COL25A1: variants seen among roughly 807,000 people sequenced by gnomAD.
COL25A1 encodes collagen type XXV alpha 1 chain, also known as collagen alpha-1(XXV) chain.
In COL25A1, 103 loss-of-function variants were observed where a neutral mutation model predicts 128.4. The ratio of observed to expected loss-of-function variants is 0.80; its 90% CI spans 0.68 to 0.94. The LOEUF (loss-of-function observed/expected upper bound fraction) is 0.94. COL25A1 is among the 40% of genes least tolerant of loss of function. COL25A1 has a pLI of 0.00. For missense variants in COL25A1, 745 were observed against 840.0 expected (o/e 0.89, Z 1.40); for synonymous variants, 279 against 277.2 (o/e 1.01, Z -0.06).
intron 3 of COL25A1, among the ~76,000 whole-genome samples, chr4:109,196,173 G>T (rs1578409595): frequency 6.6e-6 from 1 of 152,154 alleles, no homozygotes; most frequent in Non-Finnish European, 1.5e-5. Context: ...CCATTACGGG[G>T]AGACGAGACC....
At chr4:109,209,920 G>T (rs183064033) in intron 3 of COL25A1, among the ~76,000 whole-genome samples, 24 of 151,944 alleles carry the variant, frequency 1.6e-4, no homozygotes, top group Admixed American at 7.9e-4. Context: ...GCGTAATGGT[G>T]GACACCTACA....
At chr4:109,288,038 A>G (rs1192098353) in intron 3 of COL25A1, among the ~76,000 whole-genome samples, 1 of 152,166 alleles carries the variant, frequency 6.6e-6, no homozygotes, top group East Asian at 1.9e-4. Flanking sequence ...CTAGGAGATG[A>G]GATATCTGAA....
At chr4:109,019,611 T>C (rs1049819969) in intron 5 of COL25A1, among the ~76,000 whole-genome samples, 6 of 151,668 alleles carry the variant, frequency 4.0e-5, no homozygotes, top group African/African-American at 4.8e-5. Flanking sequence ...TATAAAACCA[T>C]TGGGTCTCAA....
At chr4:109,012,974 G>A (rs1756793246) in intron 5 of COL25A1, among the ~76,000 whole-genome samples, 1 of 152,260 alleles carries the variant, frequency 6.6e-6, no homozygotes, top group African/African-American at 2.4e-5. Flanking sequence ...TGTCTATGCA[G>A]AGGATTGTAT....
intron 5 of COL25A1, among the ~76,000 whole-genome samples, chr4:109,036,617 G>C (rs1014532581): frequency 1.6e-4 from 24 of 152,094 alleles, no homozygotes; most frequent in Admixed American, 9.8e-4. Flanking sequence ...ATATATATAG[G>C]GCATATTGAA....
rs1420396493 is a variant in COL25A1, at chr4:109,132,645, T to C, written c.368-82466A>G. Among the ~76,000 whole-genome samples the C allele has an allele frequency of 4.6e-5, 7 of 152,184 alleles. No homozygotes were observed. In the East Asian group the frequency reaches 1.3e-3, roughly 29 times the overall value. On this transcript the variant is annotated intron_variant, in intron 3 of 37. Coordinates refer to ENST00000399132, the MANE Select transcript of COL25A1 (RefSeq NM_198721.4). ...ATTAAGAAAACAAATTAAATTATAA[T>C]ATGAGCTTTGACATATTGGAATGTG...
At chr4:109,263,701 G>A (rs769054530) in intron 3 of COL25A1, among the ~76,000 whole-genome samples, 63 of 152,292 alleles carry the variant, frequency 4.1e-4, no homozygotes, top group Non-Finnish European at 7.8e-4. Context: ...ATTTCATACC[G>A]TATTGCTGCC....
intron 3 of COL25A1, among the ~76,000 whole-genome samples, chr4:109,219,324 G>A (rs1235991414): frequency 6.6e-6 from 1 of 152,076 alleles, no homozygotes; most frequent in Non-Finnish European, 1.5e-5. Flanking sequence ...CACTGATTCA[G>A]ACTGTTTCTT....
intron 6 of COL25A1, among the ~76,000 whole-genome samples, chr4:108,984,403 C>T (rs4956227): frequency 0.52 from 79,465 of 152,002 alleles, 21,849 homozygotes; most frequent in South Asian, 0.62. Context: ...CTCCTCAGCC[C>T]TTGGGTGGTT....
At chr4:109,176,951 A>C (rs1007727623) in intron 3 of COL25A1, among the ~76,000 whole-genome samples, 1 of 152,172 alleles carries the variant, frequency 6.6e-6, no homozygotes, top group Admixed American at 6.5e-5. Flanking sequence ...CCCTGACTGT[A>C]GACTGCTGGC....
chr4:108,869,496 C>A (rs73840725), intron 19 of COL25A1, among the ~76,000 whole-genome samples: 2,993 of 152,118 alleles, frequency 0.02, 99 homozygotes, highest in African/African-American at 0.066. Flanking sequence ...GCCTGGTGAC[C>A]AAAATCAGGT....
At chr4:108,835,614 G>A (rs2125737805) in intron 31 of COL25A1, among the ~76,000 whole-genome samples, 1 of 152,008 alleles carries the variant, frequency 6.6e-6, no homozygotes, top group South Asian at 2.1e-4. Context: ...AAGTGCAATG[G>A]CACAATCTTG....
At chr4:108,944,980 G>A (rs1320511123) in intron 8 of COL25A1, among the ~76,000 whole-genome samples, 2 of 152,174 alleles carry the variant, frequency 1.3e-5, no homozygotes, top group Non-Finnish European at 2.9e-5. Flanking sequence ...CATGTGGACA[G>A]AGTTTCTTAT....
At position 109,085,334 on chromosome 4, in the gene COL25A1, G is replaced by C. The variant is rs914465116; in HGVS notation, c.368-35155C>G. On this transcript the variant is annotated intron_variant, in intron 3 of 37. Coordinates refer to ENST00000399132, the MANE Select transcript of COL25A1 (RefSeq NM_198721.4). ...AGAATGCACGTTCCCTTCAGATGAA[G>C]TACAGCATATTCCTTGTCTCTCAGG... is the stretch of plus-strand genomic sequence containing the variant. Among the ~76,000 whole-genome samples the C allele has an allele frequency of 3.2e-4, 48 of 152,168 alleles. 1 individual carries two copies. The highest frequency in any genetic ancestry group is 4.4e-5 in the Non-Finnish European group (3 of 68,028).
At chr4:108,969,986 C>T (rs749408955) in intron 8 of COL25A1, among the ~76,000 whole-genome samples, 1 of 152,166 alleles carries the variant, frequency 6.6e-6, no homozygotes, top group Admixed American at 6.5e-5. Context: ...ACTGCAACCT[C>T]CACCTACCAG....
chr4:109,037,288 T>C (rs1759445754), intron 5 of COL25A1, among the ~76,000 whole-genome samples: 1 of 152,220 alleles, frequency 6.6e-6, no homozygotes, highest in African/African-American at 2.4e-5. Flanking sequence ...TTAATGGAAG[T>C]GGTGACTCGG....
At chr4:109,167,617 T>G (rs1773192660) in intron 3 of COL25A1, among the ~76,000 whole-genome samples, 1 of 152,132 alleles carries the variant, frequency 6.6e-6, no homozygotes, top group Non-Finnish European at 1.5e-5. Flanking sequence ...AAAATCAGCT[T>G]CCCTTCTTCC....
chr4:109,209,180 A>G (rs947215156), intron 3 of COL25A1, among the ~76,000 whole-genome samples: 1 of 152,186 alleles, frequency 6.6e-6, no homozygotes. Flanking sequence ...AATGGCACCA[A>G]AACAATGGGT....
intron 11 of COL25A1, among the ~76,000 whole-genome samples, chr4:108,935,703 T>C (rs1169894279): frequency 4.6e-5 from 7 of 152,056 alleles, no homozygotes; most frequent in Admixed American, 3.3e-4. Flanking sequence ...AAGATAATAA[T>C]GCAAGTGATT....
Sources: gnomAD v4.1 joint callset for allele counts (sites outside exome capture counted in the v4.1 genomes callset) on GRCh38, gnomAD v4.1.1 for gene constraint, MANE v1.5 for transcripts, NCBI Gene and HGNC (gene_info 2026-07-23, HGNC 2026-07-21) for gene names.